The following FZD3 variants were observed in gnomAD, a reference collection of about 807,000 sequenced individuals.
FZD3 encodes frizzled-3.
In FZD3, 30 loss-of-function variants were observed where a neutral mutation model predicts 60.7. The observed-to-expected ratio is 0.49, with a 90% confidence interval of 0.37 to 0.67. The LOEUF (loss-of-function observed/expected upper bound fraction) is 0.67, where lower values mean the gene tolerates loss of function less well. Among genes scored for constraint, FZD3 ranks in the 30% least tolerant of loss-of-function variants. The pLI is 0.00. For synonymous variants in FZD3, 246 were observed against 275.2 expected, an observed-to-expected ratio of 0.89 and a Z score of 1.05; for missense variants, 605 against 838.7, an observed-to-expected ratio of 0.72 and a Z score of 3.44.
chr8:28,495,822 T>C, intron 1 of FZD3, among the ~76,000 whole-genome samples: 1 of 152,132 alleles, frequency 6.6e-6, no homozygotes, highest in East Asian at 1.9e-4. Flanking sequence ...AAAATATAAC[T>C]AAGATGCAGC....
chr8:28,500,839 C>A (rs1803970625), intron 2 of FZD3, among the ~76,000 whole-genome samples: 1 of 152,098 alleles, frequency 6.6e-6, no homozygotes, highest in African/African-American at 2.4e-5. Context: ...CAGCTGACTG[C>A]AACCTCTGCC....
Position 28,500,454 on chromosome 8 carries a change from T to G in FZD3, c.-345+476T>G, listed in dbSNP as rs189642942. On this transcript the variant is annotated intron_variant, in intron 2 of 7. Coordinates refer to ENST00000240093, the MANE Select transcript of FZD3 (RefSeq NM_017412.4). The stretch of plus-strand genomic sequence containing the variant: ...TCAGGTTTTATGTGGTAGTCTTCTT[T>G]GAACCATTGATTTGAAACCCATACC... 9.3e-4 allele frequency among the ~76,000 whole-genome samples: 141 copies of G among 152,246 alleles called. 4 individuals are homozygous for G. The highest frequency in any genetic ancestry group is 8.6e-3 in the Admixed American group (131 of 15,306).
At position 28,561,653 on chromosome 8, in the gene FZD3, CTTAA is replaced by C. The variant is rs200586037; in HGVS notation, c.1788-1140_1788-1137del. On this transcript the variant is annotated intron_variant, in intron 7 of 7. Transcript: ENST00000240093. ...TTATTTTTAGAAACATTACTTAAAA[CTTAA>C]TTAAAGTTATAAATTATACTAAGTT... is the stretch of plus-strand genomic sequence containing the variant. Among the ~76,000 whole-genome samples, 66 of 150,600 alleles carry C rather than the reference CTTAA, an allele frequency of 4.4e-4. No homozygotes were observed. The East Asian group carries it at 7.2e-3, about 16-fold the overall frequency.
At chr8:28,529,056 C>T (rs1371542933) in intron 5 of FZD3, among the ~76,000 whole-genome samples, 4 of 152,098 alleles carry the variant, frequency 2.6e-5, no homozygotes, top group African/African-American at 9.7e-5. Context: ...GCTAGGACTA[C>T]AGGTGTACAC....
chr8:28,501,051 C>T (rs1370023626), intron 2 of FZD3, among the ~76,000 whole-genome samples: 3 of 152,194 alleles, frequency 2.0e-5, no homozygotes, highest in East Asian at 1.9e-4. Flanking sequence ...TGAGCCACTG[C>T]GCCCTGCCCA....
chr8:28,520,921 A>C (rs1034658953), intron 4 of FZD3, 87 bp downstream of exon 4: 1 of 960,038 alleles, frequency 1.0e-6, no homozygotes, highest in Non-Finnish European at 1.5e-6. Context: ...TGTTTTAAAA[A>C]ACTTTTTTTG....
At chr8:28,557,049 G>T (rs1805521607) in intron 7 of FZD3, among the ~76,000 whole-genome samples, 1 of 151,910 alleles carries the variant, frequency 6.6e-6, no homozygotes, top group African/African-American at 2.4e-5. Context: ...TATTTAGAAA[G>T]AAGAAATTAT....
At chr8:28,520,923 C>A (rs1239680814) in intron 4 of FZD3, 89 bp downstream of exon 4, 20 of 912,624 alleles carry the variant, frequency 2.2e-5, no homozygotes, top group Non-Finnish European at 2.9e-5. Context: ...TTTTAAAAAA[C>A]TTTTTTTGAA....
intron 6 of FZD3, among the ~76,000 whole-genome samples, chr8:28,555,238 C>A (rs1197030254): frequency 6.6e-6 from 1 of 152,168 alleles, no homozygotes; most frequent in African/African-American, 2.4e-5. Flanking sequence ...ACTGCTCTTA[C>A]AACTTAAAAA....
rs140331660 is a variant in FZD3 at position 28,550,158 on chromosome 8, G to A, written c.1405-1445G>A. Among the ~76,000 whole-genome samples, 1,327 of 152,078 alleles carry A rather than the reference G, an allele frequency of 8.7e-3. 7 individuals are homozygous for A. Among genetic ancestry groups the A allele is most frequent in the African/African-American group, 0.019 (776 of 41,542 alleles). ...TCTAGTGCTTTCTGAGGAGGTGGCT[G>A]TTTGACAACTTTATTTCTTCTATAA... On this transcript the variant is annotated intron_variant, in intron 5 of 7. Transcript: ENST00000240093.
At position 28,539,599 on chromosome 8, in the gene FZD3, A is replaced by T. The variant is rs1202113274; in HGVS notation, c.1404+11435A>T. On this transcript the variant is annotated intron_variant, in intron 5 of 7. Transcript: ENST00000240093. ...CATTCAGGAACTGTTGTCACTTACC[A>T]GTTGTATGACAGACTCTGTATGAAC... 4.6e-5 allele frequency among the ~76,000 whole-genome samples: 7 copies of T among 152,322 alleles called. No individual in the cohort carries two copies. In the South Asian group the frequency reaches 1.2e-3, roughly 27 times the overall value.
At chr8:28,514,739 ACTGT>A (rs1429815964) in intron 3 of FZD3, among the ~76,000 whole-genome samples, 1 of 152,172 alleles carries the variant, frequency 6.6e-6, no homozygotes, top group Admixed American at 6.5e-5. Context: ...TGTTTTAAAA[ACTGT>A]CTCACTTGGC....
chr8:28,531,046 A>G (rs900643073), intron 5 of FZD3, among the ~76,000 whole-genome samples: 4 of 152,174 alleles, frequency 2.6e-5, no homozygotes, highest in African/African-American at 9.7e-5. Flanking sequence ...ATTATGGCAT[A>G]TGTATCTGTA....
intron 5 of FZD3, among the ~76,000 whole-genome samples, chr8:28,531,871 C>T (rs1804884152): frequency 1.3e-5 from 2 of 152,122 alleles, no homozygotes; most frequent in South Asian, 4.2e-4. Context: ...TGTCTTTTCA[C>T]TTTATTTGTG....
chr8:28,573,276 A>C lies in FZD3; in HGVS notation c.*10265A>C, dbSNP rs1434775969. 1 of 152,158 alleles carries C rather than the reference A, an allele frequency of 6.6e-6. No individual in the cohort carries two copies. The highest frequency in any genetic ancestry group is 1.5e-5 in the Non-Finnish European group (1 of 68,010). The allele number at this position is 152,158 out of a possible 1,614,324, so 9.4% of individuals were successfully genotyped here. ...AAGTGTTAGTGACTATAGCCCTTTT[A>C]TCTCTCTTAAAGAGAAATCTGCATT... On this transcript the variant is annotated 3_prime_UTR_variant, in exon 8 of 8. Transcript: ENST00000240093.
At chr8:28,547,207 TC>T (rs1435746078) in intron 5 of FZD3, among the ~76,000 whole-genome samples, 1 of 152,156 alleles carries the variant, frequency 6.6e-6, no homozygotes, top group East Asian at 1.9e-4. Context: ...CATACACACT[TC>T]CCTACCTTGC....
At chr8:28,532,408 T>A (rs535150311) in intron 5 of FZD3, among the ~76,000 whole-genome samples, 2 of 152,310 alleles carry the variant, frequency 1.3e-5, no homozygotes, top group Admixed American at 1.3e-4. Context: ...ATTGATGGTG[T>A]ACAGGCATGC....
At chr8:28,498,298 G>T (rs866013081) in intron 1 of FZD3, among the ~76,000 whole-genome samples, 6 of 149,300 alleles carry the variant, frequency 4.0e-5, no homozygotes, top group African/African-American at 7.4e-5. Flanking sequence ...TTTTTTTCCA[G>T]TTGATATACT....
intron 2 of FZD3, among the ~76,000 whole-genome samples, chr8:28,501,474 C>T (rs578075524): frequency 3.0e-4 from 45 of 152,320 alleles, no homozygotes; most frequent in African/African-American, 9.6e-4. Context: ...TAGTCTGGGT[C>T]TTTGAGAATT....
Sources: gnomAD v4.1 joint callset for allele counts (sites outside exome capture counted in the v4.1 genomes callset) on GRCh38, gnomAD v4.1.1 for gene constraint, MANE v1.5 for transcripts, NCBI Gene and HGNC (gene_info 2026-07-23, HGNC 2026-07-21) for gene names.